CAMTA1: variants seen among roughly 807,000 people sequenced by gnomAD.
CAMTA1 encodes the protein calmodulin-binding transcription activator 1.
CAMTA1 carries 27 observed loss-of-function variants against 170.9 expected under a neutral mutation model. The observed-to-expected ratio is 0.16, with a 90% CI of 0.12 to 0.22. The LOEUF is 0.22. CAMTA1 is among the 10% of genes least tolerant of loss of function. The pLI is 1.00. For synonymous variants in CAMTA1, 833 were observed against 891.5 expected, an observed-to-expected ratio of 0.93 and a Z score of 1.17; for missense variants, 1,619 against 2,217.2, an observed-to-expected ratio of 0.73 and a Z score of 5.42.
intron 5 of CAMTA1, among the ~76,000 whole-genome samples, chr1:7,301,028 C>A (rs1674674178): frequency 6.6e-6 from 1 of 152,154 alleles, no homozygotes; most frequent in Admixed American, 6.5e-5. Flanking sequence ...AATGCACTTT[C>A]TAAATATGAG....
intron 7 of CAMTA1, among the ~76,000 whole-genome samples, chr1:7,653,271 T>G (rs1171074936): frequency 6.6e-6 from 1 of 152,148 alleles, no homozygotes; most frequent in African/African-American, 2.4e-5. Context: ...TTTTTCCCCT[T>G]CTTTTTTTGA....
chr1:7,359,831 T>G, intron 5 of CAMTA1, among the ~76,000 whole-genome samples: 1 of 151,184 alleles, frequency 6.6e-6, no homozygotes, highest in South Asian at 2.1e-4. Context: ...CTGCGTGGGG[T>G]TTTTCAGAGC....
At position 7,464,814 on chromosome 1, in the gene CAMTA1, G is replaced by A. The variant is rs928006893; in HGVS notation, c.439-3016G>A. 1.5e-4 allele frequency among the ~76,000 whole-genome samples: 23 copies of A among 152,122 alleles called. No individual in the cohort carries two copies. In the East Asian group the frequency reaches 2.7e-3, roughly 18 times the overall value. On this transcript the variant is annotated intron_variant, in intron 5 of 22. Transcript: ENST00000303635. ...AAGCTCTCAGCCCACACAGCCACCC[G>A]AGAGAAAGGATTAGAATCGTACCCA... is the stretch of plus-strand genomic sequence containing the variant.
intron 11 of CAMTA1, among the ~76,000 whole-genome samples, chr1:7,703,047 G>C (rs1190351960): frequency 1.3e-5 from 2 of 152,158 alleles, no homozygotes; most frequent in Non-Finnish European, 2.9e-5. Context: ...GGTTTCCCGA[G>C]CCTATGTGTC....
intron 3 of CAMTA1, among the ~76,000 whole-genome samples, chr1:6,963,271 G>GCCCCCCCCCCC (rs34560730): frequency 5.0e-5 from 1 of 20,024 alleles, no homozygotes; most frequent in Non-Finnish European, 1.1e-4. Flanking sequence ...CACCCACCTG[G>GCCCCCCCCCCC]CCCCCCCCCC....
At chr1:7,070,738 A>G (rs1638530625) in intron 3 of CAMTA1, among the ~76,000 whole-genome samples, 1 of 152,234 alleles carries the variant, frequency 6.6e-6, no homozygotes, top group Non-Finnish European at 1.5e-5. Context: ...GAGTCCTCCC[A>G]GTCGCCTCCA....
chr1:7,631,673 G>C (rs1450630320), intron 6 of CAMTA1, among the ~76,000 whole-genome samples: 1 of 152,186 alleles, frequency 6.6e-6, no homozygotes, highest in Non-Finnish European at 1.5e-5. Flanking sequence ...CAGCCTGCAG[G>C]GGCCGGCAGA....
chr1:7,081,722 A>G (rs574637010), intron 3 of CAMTA1, among the ~76,000 whole-genome samples: 1 of 152,358 alleles, frequency 6.6e-6, no homozygotes, highest in South Asian at 2.1e-4. Flanking sequence ...AGGCCCATCC[A>G]AATGGACAGC....
chr1:7,605,617 A>G (rs192097118), intron 6 of CAMTA1, among the ~76,000 whole-genome samples: 92 of 152,066 alleles, frequency 6.0e-4, no homozygotes, highest in African/African-American at 2.0e-3. Context: ...GAATTCCCTG[A>G]CCCTTTGTGC....
intron 5 of CAMTA1, among the ~76,000 whole-genome samples, chr1:7,266,572 A>G (rs60361653): frequency 0.014 from 2,151 of 152,298 alleles, 51 homozygotes; most frequent in African/African-American, 0.049. Flanking sequence ...GAAGCTCCCA[A>G]CTTGTGGGAG....
At chr1:7,363,217 T>C (rs949856656) in intron 5 of CAMTA1, among the ~76,000 whole-genome samples, 4 of 152,244 alleles carry the variant, frequency 2.6e-5, no homozygotes, top group African/African-American at 9.6e-5. Context: ...GGGCTGTTTT[T>C]CTTGCATCCA....
At chr1:7,730,061 A>C (rs2096720040) in intron 11 of CAMTA1, among the ~76,000 whole-genome samples, 1 of 152,236 alleles carries the variant, frequency 6.6e-6, no homozygotes, top group Admixed American at 6.5e-5. Context: ...TCATTTGTCT[A>C]AAGATGATGG....
At chr1:7,139,999 T>G (rs534526954) in intron 4 of CAMTA1, among the ~76,000 whole-genome samples, 1 of 152,224 alleles carries the variant, frequency 6.6e-6, no homozygotes, top group Non-Finnish European at 1.5e-5. Context: ...CCTAAATGCT[T>G]TATGTACATT....
At chr1:7,493,319 AAACC>A (rs1380578823) in intron 6 of CAMTA1, among the ~76,000 whole-genome samples, 1 of 125,792 alleles carries the variant, frequency 7.9e-6, no homozygotes, top group African/African-American at 3.2e-5. Flanking sequence ...GCACACAAAC[AAACC>A]TACGTACACA....
chr1:7,504,673 G>A (rs1179136406), intron 6 of CAMTA1, among the ~76,000 whole-genome samples: 3 of 152,398 alleles, frequency 2.0e-5, no homozygotes, highest in African/African-American at 7.2e-5. Flanking sequence ...AGAGGGGAGA[G>A]GTGAGGTCCA....
intron 6 of CAMTA1, among the ~76,000 whole-genome samples, chr1:7,549,538 A>G (rs1487348637): frequency 1.3e-5 from 2 of 152,142 alleles, no homozygotes; most frequent in Non-Finnish European, 2.9e-5. Context: ...GCATTCAGAA[A>G]GTCTACTTGT....
intron 6 of CAMTA1, among the ~76,000 whole-genome samples, chr1:7,590,944 T>C (rs912230568): frequency 4.6e-5 from 7 of 152,268 alleles, no homozygotes; most frequent in African/African-American, 1.7e-4. Context: ...TATCGTCATA[T>C]ATACTGTACC....
chr1:6,881,803 T>C (rs1402894181), intron 3 of CAMTA1, among the ~76,000 whole-genome samples: 2 of 151,984 alleles, frequency 1.3e-5, no homozygotes, highest in Non-Finnish European at 2.9e-5. Context: ...CTGTCACTAC[T>C]AAAAATACGA....
In CAMTA1 at chr1:7,300,316, C is replaced by A. The variant is rs1283618957; in HGVS notation, c.438+50690C>A. On this transcript the variant is annotated intron_variant, in intron 5 of 22. Coordinates refer to ENST00000303635, the MANE Select transcript of CAMTA1 (RefSeq NM_015215.4). This position sits in a 1 kb window ranked among gnomAD's most constrained non-coding sequence, Gnocchi z 4.1. ...CCTTCCAGGCTCATTCCTGGTGCAG[C>A]AGATCACTTCCACATTTACTGCATC... Among the ~76,000 whole-genome samples the A allele has an allele frequency of 6.6e-6, 1 of 152,160 alleles. No individual in the cohort carries two copies. Among genetic ancestry groups the A allele is most frequent in the Non-Finnish European group, 1.5e-5 (1 of 68,030 alleles).
Sources: allele counts gnomAD v4.1 joint callset (sites outside exome capture counted in the v4.1 genomes callset), GRCh38; gene constraint gnomAD v4.1.1; non-coding constraint Gnocchi (gnomAD v3.1); transcripts MANE v1.5; gene names NCBI Gene and HGNC (gene_info 2026-07-23, HGNC 2026-07-21).